NLGN1: variants seen among roughly 807,000 people sequenced by gnomAD.
NLGN1 encodes neuroligin-1.
NLGN1 carries 12 observed loss-of-function variants against 65.5 expected under a neutral mutation model. The ratio of observed to expected loss-of-function variants is 0.18; its 90% CI spans 0.12 to 0.30. NLGN1 has a LOEUF of 0.30. NLGN1 is among the 10% of genes least tolerant of loss of function. The probability of loss-of-function intolerance (pLI) is 1.00; values close to 1 mark genes in which losing one functional copy is unlikely to be tolerated. For missense variants in NLGN1, 750 were observed against 1,007.1 expected (o/e 0.74, Z 3.46); for synonymous variants, 350 against 359.5 (o/e 0.97, Z 0.30).
chr3:173,642,644 G>C (rs1757597629), intron 3 of NLGN1, among the ~76,000 whole-genome samples: 2 of 152,150 alleles, frequency 1.3e-5, no homozygotes, highest in African/African-American at 4.8e-5. Context: ...TAGATCTAGT[G>C]CTGCCCTGTA....
chr3:174,032,373 G>A (rs544053661), intron 4 of NLGN1, among the ~76,000 whole-genome samples: 1 of 152,238 alleles, frequency 6.6e-6, no homozygotes, highest in East Asian at 1.9e-4. Flanking sequence ...CTGGGGATGG[G>A]CCCCAGGCAT....
intron 2 of NLGN1, among the ~76,000 whole-genome samples, chr3:173,462,634 G>A (rs1723600123): frequency 6.6e-6 from 1 of 152,110 alleles, no homozygotes. Context: ...CCTCCCAGGT[G>A]ACTTTAACCT....
chr3:174,253,755 A>T (rs1367465573), intron 4 of NLGN1, among the ~76,000 whole-genome samples: 1 of 152,094 alleles, frequency 6.6e-6, no homozygotes, highest in African/African-American at 2.4e-5. Context: ...ACTTGTTTTA[A>T]TATTTCCTTC....
chr3:174,013,482 G>C (rs755812662), intron 4 of NLGN1, among the ~76,000 whole-genome samples: 1 of 152,212 alleles, frequency 6.6e-6, no homozygotes, highest in Non-Finnish European at 1.5e-5. Context: ...ATGTCAGTAA[G>C]TGAGAGCTTA....
chr3:173,590,443 G>A (rs577419927), intron 2 of NLGN1, among the ~76,000 whole-genome samples: 1 of 152,276 alleles, frequency 6.6e-6, no homozygotes, highest in Admixed American at 6.5e-5. Context: ...AAGAAGGAAA[G>A]CGTTTTTTGT....
chr3:173,754,510 T>G (rs975906852), intron 3 of NLGN1, among the ~76,000 whole-genome samples: 2 of 152,132 alleles, frequency 1.3e-5, no homozygotes, highest in African/African-American at 4.8e-5. Context: ...ACTTATTTAC[T>G]TAGTGTATTA....
chr3:173,638,135 G>C (rs1391373274), intron 3 of NLGN1, among the ~76,000 whole-genome samples: 1 of 150,452 alleles, frequency 6.6e-6, no homozygotes, highest in Non-Finnish European at 1.5e-5. Flanking sequence ...TTTTTTTTCA[G>C]TATAGTTTTG....
At chr3:174,290,775 C>T (rs1371938684), downstream of NLGN1, among the ~76,000 whole-genome samples, 2 of 150,920 alleles carry the variant, frequency 1.3e-5, no homozygotes, top group Non-Finnish European at 3.0e-5. Context: ...AAGGACATGT[C>T]TGTTTTTTCC....
rs1741420365 is a variant in NLGN1, at chr3:174,234,984, C to CCTTTTT, written c.647-40330_647-40325dup. ...TGAGCTTTGTAAAATAAAGGAATCA[C>CCTTTTT]CTTTTTTTTTTTTTTTTTTTTTTTT... On this transcript the variant is annotated intron_variant, in intron 4 of 6. Coordinates refer to ENST00000457714, the Ensembl canonical transcript of NLGN1. Among the ~76,000 whole-genome samples the CCTTTTT allele has an allele frequency of 9.9e-5, 8 of 80,628 alleles. No individual in the cohort carries two copies. The South Asian group carries it at 3.7e-3, about 37-fold the overall frequency. The allele number at this position is 80,628 out of a possible 152,430, so 52.9% of individuals were successfully genotyped here. A position where few individuals can be genotyped will look rare whatever the true frequency, so the allele number is the denominator to read the frequency against.
In NLGN1 at chr3:174,024,014, T is replaced by C. The variant is rs2152461365; in HGVS notation, c.646+216182T>C. On this transcript the variant is annotated intron_variant, in intron 4 of 6. Coordinates refer to ENST00000457714, the Ensembl canonical transcript of NLGN1. ...CACTTGTAACATCACAGGGTGCAAG[T>C]AAGTACATGTGGATGCCAGTGTAGA... is the stretch of plus-strand genomic sequence containing the variant. Among the ~76,000 whole-genome samples, 3 of 152,092 alleles carry C rather than the reference T, an allele frequency of 2.0e-5. 1 individual carries two copies. The highest frequency in any genetic ancestry group is 6.8e-3 in the Middle Eastern group (2 of 292).
chr3:174,157,104 C>T (rs1175033915), intron 4 of NLGN1, among the ~76,000 whole-genome samples: 2 of 151,420 alleles, frequency 1.3e-5, no homozygotes, highest in African/African-American at 4.8e-5. Context: ...ATTTCAAAGG[C>T]ACTTGGTGAG....
At chr3:173,408,506 G>T (rs981188306) in intron 1 of NLGN1, among the ~76,000 whole-genome samples, 1 of 152,116 alleles carries the variant, frequency 6.6e-6, no homozygotes, top group African/African-American at 2.4e-5. Context: ...GCTCATTCTG[G>T]GAGCCAGTGG....
intron 2 of NLGN1, among the ~76,000 whole-genome samples, chr3:173,475,811 T>C (rs1726102257): frequency 1.3e-5 from 2 of 152,198 alleles, no homozygotes; most frequent in South Asian, 4.1e-4. Flanking sequence ...AATACTCTAA[T>C]CCTTGCATTT....
chr3:173,449,176 TC>T (rs1252694385), intron 2 of NLGN1, among the ~76,000 whole-genome samples: 5 of 152,148 alleles, frequency 3.3e-5, no homozygotes, highest in African/African-American at 1.2e-4. Flanking sequence ...TTTAGATCTT[TC>T]CTGCTTTCTC....
chr3:174,207,178 GT>G (rs1198074416), intron 4 of NLGN1, among the ~76,000 whole-genome samples: 1 of 134,652 alleles, frequency 7.4e-6, no homozygotes, highest in Non-Finnish European at 1.6e-5. Flanking sequence ...TTTATAGATT[GT>G]TTTTTTGTTT....
At chr3:173,993,950 T>C (rs1362188144) in intron 4 of NLGN1, among the ~76,000 whole-genome samples, 1 of 151,928 alleles carries the variant, frequency 6.6e-6, no homozygotes, top group Non-Finnish European at 1.5e-5. Context: ...ATATATATAG[T>C]AACTAGGAAC....
chr3:173,597,533 T>C (rs189246441), intron 2 of NLGN1, among the ~76,000 whole-genome samples: 1 of 152,250 alleles, frequency 6.6e-6, no homozygotes, highest in African/African-American at 2.4e-5. Flanking sequence ...CACCAATTCA[T>C]TCACAAAAGT....
chr3:173,653,653 A>G (rs1299312391), intron 3 of NLGN1, among the ~76,000 whole-genome samples: 5 of 152,200 alleles, frequency 3.3e-5, no homozygotes, highest in Non-Finnish European at 1.5e-5. Context: ...CAAGATAGCT[A>G]TAAATTATTT....
intron 2 of NLGN1, among the ~76,000 whole-genome samples, chr3:173,499,762 A>G (rs1389835130): frequency 5.9e-5 from 9 of 151,732 alleles, no homozygotes; most frequent in Admixed American, 2.0e-4. Flanking sequence ...CCTTGAAGAG[A>G]TCCTTCACAT....
Sources: gnomAD v4.1 joint callset for allele counts (sites outside exome capture counted in the v4.1 genomes callset) on GRCh38, gnomAD v4.1.1 for gene constraint, MANE v1.5 for transcripts, NCBI Gene and HGNC (gene_info 2026-07-23, HGNC 2026-07-21) for gene names.